Variants in DISC1 observed in about 807,000 individuals in gnomAD.
The protein encoded by DISC1 is disrupted in schizophrenia 1 protein.
In DISC1, 57 loss-of-function variants were observed where a neutral mutation model predicts 84.5. The ratio of observed to expected loss-of-function variants is 0.67; its 90% CI spans 0.55 to 0.84. The LOEUF (loss-of-function observed/expected upper bound fraction) is 0.84. Among genes scored for constraint, DISC1 ranks in the 40% least tolerant of loss-of-function variants. The pLI, the probability that DISC1 is intolerant of heterozygous loss-of-function variation, is 0.00. For missense variants in DISC1, 1,000 were observed against 1,057.8 expected (o/e 0.95, Z 0.76); for synonymous variants, 411 against 415.2 (o/e 0.99, Z 0.12).
rs1669981726 is a variant in DISC1 at position 232,031,144 on chromosome 1, G to A, written c.2425+4592G>A. ...AGGGAAGGAAGGAAGGAAGGAGGGA[G>A]AGAGGAGAGAGAGAGAGAGAACAGG... On this transcript the variant is annotated intron_variant, in intron 12 of 12. Coordinates refer to ENST00000439617, the MANE Select transcript of DISC1 (RefSeq NM_018662.3). The surrounding 1 kb of genome is among the most constrained non-coding windows in gnomAD (Gnocchi z 4.6). Among the ~76,000 whole-genome samples, 1 of 146,644 alleles carries A rather than the reference G, an allele frequency of 6.8e-6. No homozygotes were observed. The highest frequency in any genetic ancestry group is 1.5e-5 in the Non-Finnish European group (1 of 67,134).
intron 3 of DISC1, chr1:231,723,112 T>A (rs138244037): frequency 1.0e-6 from 1 of 976,828 alleles, no homozygotes; most frequent in Admixed American, 5.2e-5. Context: ...GAAATCCACG[T>A]GTACTCAAGT....
At chr1:231,992,053 T>G (rs1665275861) in intron 10 of DISC1, among the ~76,000 whole-genome samples, 1 of 152,230 alleles carries the variant, frequency 6.6e-6, no homozygotes, top group African/African-American at 2.4e-5. Flanking sequence ...TTATTTCTCA[T>G]GCTGCAATGA....
chr1:231,767,495 G>C (rs566679942), intron 5 of DISC1, among the ~76,000 whole-genome samples: 31 of 152,278 alleles, frequency 2.0e-4, no homozygotes, highest in Non-Finnish European at 2.8e-4. Flanking sequence ...TCAGGTCTTA[G>C]TATGTTGCTC....
At chr1:231,996,774 G>A (rs1332260095) in intron 10 of DISC1, among the ~76,000 whole-genome samples, 1 of 152,102 alleles carries the variant, frequency 6.6e-6, no homozygotes, top group African/African-American at 2.4e-5. Context: ...ACTTCCAACT[G>A]GCAGGAATCA....
intron 11 of DISC1, among the ~76,000 whole-genome samples, chr1:232,020,940 G>C (rs1320105988): frequency 3.3e-5 from 5 of 152,202 alleles, no homozygotes; most frequent in Non-Finnish European, 7.3e-5. Flanking sequence ...CCAGCAAGGT[G>C]CTTTCCAAGC....
At chr1:231,769,864 CTT>C (rs1436660081) in intron 5 of DISC1, among the ~76,000 whole-genome samples, 3 of 152,106 alleles carry the variant, frequency 2.0e-5, no homozygotes, top group Non-Finnish European at 4.4e-5. Flanking sequence ...AGTTGAGAGA[CTT>C]TGTCAGTAAT....
intron 9 of DISC1, among the ~76,000 whole-genome samples, chr1:231,952,941 T>A (rs1658751496): frequency 6.6e-6 from 1 of 152,240 alleles, no homozygotes; most frequent in African/African-American, 2.4e-5. Flanking sequence ...GTGCTGAGAT[T>A]TCACATCTCA....
chr1:231,806,763 T>C (rs1375645775), intron 8 of DISC1, among the ~76,000 whole-genome samples: 1 of 152,268 alleles, frequency 6.6e-6, no homozygotes, highest in Non-Finnish European at 1.5e-5. Flanking sequence ...CTTTAACCTC[T>C]GTGCTGCTCT....
At chr1:231,762,509 GTTTTGTTTTT>G (rs1384605934) in intron 4 of DISC1, among the ~76,000 whole-genome samples, 14 of 52,556 alleles carry the variant, frequency 2.7e-4, no homozygotes, top group Non-Finnish European at 5.0e-4. Context: ...TTTTAGTTTT[GTTTTGTTTTT>G]TTTTTTTTTT....
chr1:231,846,069 A>T (rs898024076), intron 9 of DISC1, among the ~76,000 whole-genome samples: 1 of 152,210 alleles, frequency 6.6e-6, no homozygotes, highest in Admixed American at 6.5e-5. Flanking sequence ...GCCTTCAAGC[A>T]GCAACAGATT....
rs1337641005 is a variant in DISC1 at position 232,031,487 on chromosome 1, GGAAA to G, written c.2425+4945_2425+4948del. On this transcript the variant is annotated intron_variant, in intron 12 of 12. Transcript: ENST00000439617. This position sits in a 1 kb window ranked among gnomAD's most constrained non-coding sequence, Gnocchi z 4.6. Reference sequence around the variant, plus strand: ...GAGAAGGGAAGGGAGCAAAAGGGAAGGAAAGAAAGAAAGGAAAGGAAAGGAAAGA... The same window carrying G: ...GAGAAGGGAAGGGAGCAAAAGGGAAGGAAAGAAAGGAAAGGAAAGGAAAGA... 2.0e-5 allele frequency among the ~76,000 whole-genome samples: 3 copies of G among 147,992 alleles called. No homozygotes were observed. Among genetic ancestry groups the G allele is most frequent in the East Asian group, 2.0e-4 (1 of 5,012 alleles).
At chr1:231,627,806 A>G (rs890695131) in intron 1 of DISC1, among the ~76,000 whole-genome samples, 28 of 152,198 alleles carry the variant, frequency 1.8e-4, no homozygotes, top group Non-Finnish European at 5.9e-5. Flanking sequence ...CCTGGCCTCC[A>G]TGTGTCGTTA....
At chr1:231,909,868 T>C (rs1046652208) in intron 9 of DISC1, among the ~76,000 whole-genome samples, 1 of 152,252 alleles carries the variant, frequency 6.6e-6, no homozygotes, top group Non-Finnish European at 1.5e-5. Context: ...GTTATTGGTC[T>C]ATTCAGGGAT....
At chr1:231,789,111 G>A (rs939878755) in intron 6 of DISC1, among the ~76,000 whole-genome samples, 7 of 152,164 alleles carry the variant, frequency 4.6e-5, no homozygotes, top group African/African-American at 1.7e-4. Flanking sequence ...ACATGACCTG[G>A]GGATTGGGGT....
chr1:231,631,781 G>A (rs2058731845), intron 1 of DISC1, among the ~76,000 whole-genome samples: 1 of 151,794 alleles, frequency 6.6e-6, no homozygotes, highest in South Asian at 2.1e-4. Context: ...AGTAAAAAAA[G>A]TTATGGTACG....
At chr1:232,007,986 C>T (rs1208660889) in intron 10 of DISC1, among the ~76,000 whole-genome samples, 1 of 152,166 alleles carries the variant, frequency 6.6e-6, no homozygotes, top group African/African-American at 2.4e-5. Context: ...ACTTCTCCTT[C>T]CTGCCACCAT....
intron 9 of DISC1, among the ~76,000 whole-genome samples, chr1:231,906,018 G>GTT (rs2088601516): frequency 7.8e-6 from 1 of 128,598 alleles, no homozygotes; most frequent in East Asian, 2.5e-4. Context: ...TGAGGTCATG[G>GTT]CTTTTTTTTT....
intron 10 of DISC1, among the ~76,000 whole-genome samples, chr1:231,978,583 G>A (rs1418213132): frequency 6.6e-6 from 1 of 152,162 alleles, no homozygotes; most frequent in African/African-American, 2.4e-5. Flanking sequence ...GAATGTATGT[G>A]CATTAGTAGG....
chr1:231,730,930 G>A (rs2071431242), intron 3 of DISC1, among the ~76,000 whole-genome samples: 1 of 152,030 alleles, frequency 6.6e-6, no homozygotes. Context: ...AGGAGAGCCT[G>A]CCATTACATT....
Sources: allele counts gnomAD v4.1 joint callset (sites outside exome capture counted in the v4.1 genomes callset), GRCh38; gene constraint gnomAD v4.1.1; non-coding constraint Gnocchi (gnomAD v3.1); transcripts MANE v1.5; gene names NCBI Gene and HGNC (gene_info 2026-07-23, HGNC 2026-07-21).